PKD2: variants seen among roughly 807,000 people sequenced by gnomAD.
The protein encoded by PKD2 is polycystin 2, transient receptor potential cation channel.
PKD2 carries 48 observed loss-of-function variants against 105.9 expected under a neutral mutation model. That is an observed-to-expected ratio of 0.45 (90% confidence interval 0.36 to 0.58). The LOEUF (loss-of-function observed/expected upper bound fraction) is 0.58, where lower values mean the gene tolerates loss of function less well. Ranked by LOEUF, PKD2 falls within the 20% of genes least tolerant of loss-of-function variation. The probability of loss-of-function intolerance (pLI) is 0.00; values close to 1 mark genes in which losing one functional copy is unlikely to be tolerated. For synonymous variants in PKD2, 464 were observed against 481.1 expected (o/e 0.96, Z 0.46); for missense variants, 1,078 against 1,255.3 (o/e 0.86, Z 2.13).
Position 88,008,264 on chromosome 4 carries a change from C to T in PKD2, c.531C>T (p.His177=), listed in dbSNP as rs895731667. The T allele has an allele frequency of 3.3e-5, 49 of 1,468,336 alleles. No homozygotes were observed. Among genetic ancestry groups the T allele is most frequent in the South Asian group, 3.9e-5 (3 of 76,732 alleles). 91.0% of individuals were successfully genotyped at this position (1,468,336 alleles called of 1,614,324 possible). A position where few individuals can be genotyped will look rare whatever the true frequency, so the allele number is the denominator to read the frequency against. Residue 177 remains histidine, a synonymous_variant, in exon 1 of 15, where the codon CAC becomes CAT. Transcript: ENST00000237596. ...GCGGCGGGGACCCGCTGCATCGCCACCTCCCCCTGGAAGGGCAGCCGCCCC... is the reference window on the plus strand; with the variant it reads ...GCGGCGGGGACCCGCTGCATCGCCATCTCCCCCTGGAAGGGCAGCCGCCCC... The part of the protein sequence containing the change: ...PVGGGDPLHR[H]LPLEGQPPRV...
chr4:88,075,088 T>C (rs2110151115), intron 14 of PKD2, 129 bp downstream of exon 14: 2 of 969,474 alleles, frequency 2.1e-6, no homozygotes, highest in East Asian at 2.6e-5. Flanking sequence ...AAATTCACAA[T>C]GATGTTTCCA....
At chr4:88,045,204 C>T (rs1727723134) in intron 5 of PKD2, among the ~76,000 whole-genome samples, 1 of 152,170 alleles carries the variant, frequency 6.6e-6, no homozygotes, top group Admixed American at 6.5e-5. Context: ...ACTGCAGGGC[C>T]AGAATGGGCC....
rs1727644150 is a variant in PKD2, at chr4:88,043,262, A to G, written c.1124A>G (p.Asn375Ser). 7 of 1,612,468 alleles carry G rather than the reference A, an allele frequency of 4.3e-6. No homozygotes were observed. The highest frequency in any genetic ancestry group is 5.9e-6 in the Non-Finnish European group (7 of 1,178,582). Reference sequence around the variant, plus strand: ...ATCTACACAAGTGAAAAAGACTTGAATGGTAGTAGCCACTGGGGAATCATT... The same window carrying G: ...ATCTACACAAGTGAAAAAGACTTGAGTGGTAGTAGCCACTGGGGAATCATT... ...AWIYTSEKDL[N>S]GSSHWGIIAT... is the part of the protein sequence containing the mutation. Residue 375 changes from asparagine to serine, a missense_variant, in exon 5 of 15, where the codon AAT (asparagine) becomes AGT (serine). Asn to Ser is a conservative substitution (Grantham distance 46). Around this residue, in one of 2 missense-constraint regions of PKD2, gnomAD observed 868 missense variants for 1,067.3 expected, o/e 0.81. Coordinates refer to ENST00000237596, the MANE Select transcript of PKD2 (RefSeq NM_000297.4).
intron 4 of PKD2, 148 bp from the exon 5 acceptor site, chr4:88,043,085 G>C: frequency 1.5e-6 from 1 of 660,652 alleles, no homozygotes; most frequent in Non-Finnish European, 2.7e-6. Flanking sequence ...AATTAACCAA[G>C]AAAACATGAA....
chr4:88,068,726 C>G (rs534132665), intron 13 of PKD2, among the ~76,000 whole-genome samples: 50 of 152,278 alleles, frequency 3.3e-4, no homozygotes, highest in African/African-American at 1.1e-3. Context: ...TTCTGCTGTT[C>G]AAGTGTTCTG....
At chr4:88,027,522 G>T (rs1313445139) in intron 2 of PKD2, among the ~76,000 whole-genome samples, 1 of 152,058 alleles carries the variant, frequency 6.6e-6, no homozygotes, top group African/African-American at 2.4e-5. Flanking sequence ...GACTTGCCTT[G>T]TCTCAGATGA....
intron 4 of PKD2, among the ~76,000 whole-genome samples, chr4:88,039,737 A>G (rs1193955393): frequency 6.6e-6 from 1 of 152,036 alleles, no homozygotes; most frequent in African/African-American, 2.4e-5. Flanking sequence ...CTCAAAGGAC[A>G]TTATCATCCA....
At chr4:88,073,581 C>A (rs1721119925) in intron 13 of PKD2, among the ~76,000 whole-genome samples, 1 of 151,902 alleles carries the variant, frequency 6.6e-6, no homozygotes, top group African/African-American at 2.4e-5. Context: ...GCCTGCCCCT[C>A]CCTGGGAGAT....
intron 1 of PKD2, among the ~76,000 whole-genome samples, chr4:88,010,076 C>T (rs1319938172): frequency 6.6e-6 from 1 of 151,640 alleles, no homozygotes; most frequent in Non-Finnish European, 1.5e-5. Flanking sequence ...TGTAGGAGAG[C>T]AGACTCAGGA....
rs1005118570 is a variant in PKD2, at chr4:88,007,638, C to G, written c.-96C>G. The G allele has an allele frequency of 9.2e-6, 7 of 764,196 alleles. No individual in the cohort carries two copies. The African/African-American group carries it at 1.3e-4, about 14-fold the overall frequency. The allele number at this position is 764,196 out of a possible 1,614,324, so 47.3% of individuals were successfully genotyped here. A position where few individuals can be genotyped will look rare whatever the true frequency, so the allele number is the denominator to read the frequency against. ...GGGGAGGTCGGGGGCGGGGAGCAGG[C>G]GGCGGCGGGCGCCGGGAAGAAAGGA... On this transcript the variant is annotated 5_prime_UTR_variant, in exon 1 of 15. Transcript: ENST00000237596.
chr4:88,013,083 G>A (rs750753251), intron 1 of PKD2, among the ~76,000 whole-genome samples: 2 of 151,944 alleles, frequency 1.3e-5, no homozygotes, highest in Middle Eastern at 3.2e-3. Context: ...GTGACTTTCC[G>A]TTTATTTTTA....
At chr4:88,014,601 C>G (rs1361556935) in intron 1 of PKD2, among the ~76,000 whole-genome samples, 1 of 152,142 alleles carries the variant, frequency 6.6e-6, no homozygotes, top group Non-Finnish European at 1.5e-5. Context: ...CTAAAAGTGT[C>G]CCTGCAATTC....
intron 4 of PKD2, among the ~76,000 whole-genome samples, chr4:88,040,313 C>T (rs1378522555): frequency 6.6e-6 from 1 of 152,192 alleles, no homozygotes; most frequent in Admixed American, 6.5e-5. Flanking sequence ...CATCAGTACT[C>T]AAGCTTCCTG....
chr4:88,044,070 A>G (rs973832035), intron 5 of PKD2, among the ~76,000 whole-genome samples: 1 of 152,142 alleles, frequency 6.6e-6, no homozygotes, highest in Non-Finnish European at 1.5e-5. Flanking sequence ...TTATTCAGCA[A>G]ACATTCATTG....
At chr4:88,058,273 A>T (rs1280914822) in intron 9 of PKD2, among the ~76,000 whole-genome samples, 170 bp downstream of exon 9, 1 of 152,148 alleles carries the variant, frequency 6.6e-6, no homozygotes, top group Non-Finnish European at 1.5e-5. Flanking sequence ...CAGTTTTGAG[A>T]CTCATATCAA....
At chr4:88,056,986 T>C (rs554136105) in intron 8 of PKD2, among the ~76,000 whole-genome samples, 2 of 152,100 alleles carry the variant, frequency 1.3e-5, no homozygotes, top group South Asian at 4.1e-4. Flanking sequence ...TGTTTTGTTT[T>C]TTTTTGTTTT....
chr4:88,008,779 T>G (rs541972658), intron 1 of PKD2, among the ~76,000 whole-genome samples: 1 of 152,166 alleles, frequency 6.6e-6, no homozygotes, highest in African/African-American at 2.4e-5. Context: ...CACTCCATTG[T>G]CCCGGGCTGA....
chr4:88,070,593 TATATATATAGAG>T (rs1429130633), intron 13 of PKD2, among the ~76,000 whole-genome samples: 3,486 of 108,050 alleles, frequency 0.032, 139 homozygotes, highest in East Asian at 0.2. Context: ...TATATATATA[TATATATATAGAG>T]AGAGAGAGAG....
At chr4:88,044,260 A>G (rs1336302266) in intron 5 of PKD2, among the ~76,000 whole-genome samples, 2 of 152,228 alleles carry the variant, frequency 1.3e-5, no homozygotes, top group Non-Finnish European at 2.9e-5. Context: ...AAAAAGAAAG[A>G]AAAAGCAGAG....
Sources: allele counts gnomAD v4.1 joint callset (sites outside exome capture counted in the v4.1 genomes callset), GRCh38; gene constraint gnomAD v4.1.1; regional missense constraint gnomAD v4.1.1; transcripts MANE v1.5; gene names NCBI Gene and HGNC (gene_info 2026-07-23, HGNC 2026-07-21).